The following CERT1 variants were observed in gnomAD, a reference collection of about 807,000 sequenced individuals.
CERT1 encodes the protein ceramide transfer protein.
A neutral mutation model predicts 87.9 loss-of-function variants in CERT1; 31 were observed. That is an observed-to-expected ratio of 0.35 (90% CI 0.27 to 0.48). CERT1 has a LOEUF of 0.48. CERT1 is among the 20% of genes least tolerant of loss of function. The probability of loss-of-function intolerance (pLI) is 0.99; values close to 1 mark genes in which losing one functional copy is unlikely to be tolerated. For missense variants in CERT1, 487 were observed against 758.0 expected, an observed-to-expected ratio of 0.64 and a Z score of 4.20; for synonymous variants, 289 against 250.9, an observed-to-expected ratio of 1.15 and a Z score of -1.44.
At chr5:75,422,991 T>C (rs1763451883) in intron 5 of CERT1, among the ~76,000 whole-genome samples, 1 of 152,222 alleles carries the variant, frequency 6.6e-6, no homozygotes, top group Admixed American at 6.5e-5. Flanking sequence ...AATACCTTTA[T>C]CTCAGAACTG....
In CERT1 at chr5:75,460,662, C is replaced by T. The variant is rs555418656; in HGVS notation, c.232-1481G>A. 6.9e-4 allele frequency among the ~76,000 whole-genome samples: 105 copies of T among 152,326 alleles called. 1 individual carries two copies. The highest frequency in any genetic ancestry group is 2.4e-3 in the African/African-American group (100 of 41,570). ...GGAAAAGAATCCGCTCTGGGCAACA[C>T]GACAGTGAACTTATTTGCTTAACAC... On this transcript the variant is annotated intron_variant, in intron 2 of 16. Coordinates refer to ENST00000643780, the MANE Select transcript of CERT1 (RefSeq NM_001379029.1).
intron 14 of CERT1, among the ~76,000 whole-genome samples, chr5:75,383,957 A>G (rs1185823590): frequency 6.6e-6 from 1 of 152,174 alleles, no homozygotes; most frequent in Non-Finnish European, 1.5e-5. Context: ...GGTGAAAGGG[A>G]GCTAACTTAA....
At chr5:75,432,529 A>G (rs1763914286) in intron 3 of CERT1, among the ~76,000 whole-genome samples, 1 of 152,168 alleles carries the variant, frequency 6.6e-6, no homozygotes, top group Non-Finnish European at 1.5e-5. Flanking sequence ...GTGTCTGTTC[A>G]TGTCCTTTGC....
At chr5:75,511,043 C>A (rs1767951361) in intron 1 of CERT1, 69 bp downstream of exon 1, 1 of 1,456,002 alleles carries the variant, frequency 6.9e-7, no homozygotes, top group Non-Finnish European at 9.0e-7. Context: ...CCCCACCCCA[C>A]CGCCTCAGCG....
At chr5:75,454,076 G>A (rs1764869255) in intron 3 of CERT1, among the ~76,000 whole-genome samples, 2 of 152,290 alleles carry the variant, frequency 1.3e-5, no homozygotes, top group South Asian at 4.1e-4. Flanking sequence ...TGAAGTAACT[G>A]TGAAATGAAC....
intron 2 of CERT1, among the ~76,000 whole-genome samples, chr5:75,472,723 T>G (rs919838088): frequency 6.6e-6 from 1 of 152,134 alleles, no homozygotes; most frequent in African/African-American, 2.4e-5. Context: ...AGATATTATC[T>G]CCTGTTGAAA....
chr5:75,432,056 C>G (rs530790719), intron 3 of CERT1, among the ~76,000 whole-genome samples: 12 of 150,726 alleles, frequency 8.0e-5, no homozygotes, highest in Middle Eastern at 3.4e-3. Context: ...ATTCCCCCCC[C>G]CTTTTTTTTT....
chr5:75,444,287 C>T (rs765384873), intron 3 of CERT1, among the ~76,000 whole-genome samples: 2 of 152,084 alleles, frequency 1.3e-5, no homozygotes, highest in Non-Finnish European at 2.9e-5. Context: ...AACTCCTGAC[C>T]TTGTGATCCA....
intron 2 of CERT1, among the ~76,000 whole-genome samples, chr5:75,464,908 C>T (rs1300863184): frequency 1.3e-5 from 2 of 152,242 alleles, no homozygotes; most frequent in African/African-American, 2.4e-5. Context: ...TTTAGGTTCT[C>T]TTTCTCTGGC....
chr5:75,432,058 T>C (rs73118902), intron 3 of CERT1, among the ~76,000 whole-genome samples: 8,690 of 134,280 alleles, frequency 0.065, 552 homozygotes, highest in African/African-American at 0.18. Flanking sequence ...TCCCCCCCCC[T>C]TTTTTTTTTT....
Position 75,379,247 on chromosome 5 carries a change from ATAG to A in CERT1, c.*96_*98del. 2 of 1,096,190 alleles carry A rather than the reference ATAG, an allele frequency of 1.8e-6. No individual in the cohort carries two copies. Among genetic ancestry groups the A allele is most frequent in the Non-Finnish European group, 2.7e-6 (2 of 751,516 alleles). 67.9% of individuals were successfully genotyped at this position (1,096,190 alleles called of 1,614,324 possible). A position where few individuals can be genotyped will look rare whatever the true frequency, so the allele number is the denominator to read the frequency against. On this transcript the variant is annotated 3_prime_UTR_variant, in exon 17 of 17. Transcript: ENST00000643780. ...ACTCTATAGGGGAACATCAAAAAAC[ATAG>A]TAAATACTTTCAACAACTAAATTTT...
rs192047593 is a variant in CERT1 at position 75,429,194 on chromosome 5, A to T, written c.349-2716T>A. 9.7e-4 allele frequency among the ~76,000 whole-genome samples: 142 copies of T among 146,952 alleles called. 1 individual carries two copies. The highest frequency in any genetic ancestry group is 2.3e-3 in the African/African-American group (92 of 40,282). ...GAAACTGAATAATAATAATAATAAT[A>T]ATAATTATTATTATTATTATTTTGA... On this transcript the variant is annotated intron_variant, in intron 3 of 16. Coordinates refer to ENST00000643780, the MANE Select transcript of CERT1 (RefSeq NM_001379029.1).
intron 3 of CERT1, among the ~76,000 whole-genome samples, chr5:75,444,603 G>C (rs1764463017): frequency 6.9e-6 from 1 of 144,708 alleles, no homozygotes; most frequent in Non-Finnish European, 1.5e-5. Context: ...GCTGAGTGCA[G>C]TGGTGCAATC....
intron 3 of CERT1, among the ~76,000 whole-genome samples, chr5:75,456,807 G>T (rs924401310): frequency 1.3e-4 from 19 of 151,678 alleles, no homozygotes; most frequent in Non-Finnish European, 1.5e-5. Context: ...GAGACCCAAA[G>T]ATTAAATCTA....
chr5:75,444,552 T>C (rs1356349507), intron 3 of CERT1, among the ~76,000 whole-genome samples: 1 of 147,616 alleles, frequency 6.8e-6, no homozygotes, highest in East Asian at 1.9e-4. Context: ...TCTTTTCTTT[T>C]TTTTTTTTTT....
intron 2 of CERT1, among the ~76,000 whole-genome samples, chr5:75,475,590 A>T (rs61001560): frequency 0.076 from 11,639 of 152,182 alleles, 545 homozygotes; most frequent in South Asian, 0.17. Flanking sequence ...CACGATTAAC[A>T]TATCCTTTGA....
In CERT1 at chr5:75,381,988, C is replaced by G. The variant is rs1336964408; in HGVS notation, c.1578G>C (p.Trp526Cys). Residue 526 changes from tryptophan to cysteine, a missense_variant, in exon 15 of 17, where the codon TGG becomes TGC. This residue lies in a region of CERT1 where 147 missense variants were observed against 200.8 expected (regional missense o/e 0.73). Coordinates refer to ENST00000643780, the MANE Select transcript of CERT1 (RefSeq NM_001379029.1). ...PALTENDPET[W>C]IVCNFSVDHD... ...GATCCACAGAAAAATTACAAACTAT[C>G]CAAGTTTCAGGGTCATTTTCAGTCA... 1.2e-6 allele frequency: 2 copies of G among 1,613,716 alleles called. No homozygotes were observed. Among genetic ancestry groups the G allele is most frequent in the African/African-American group, 2.7e-5 (2 of 74,902 alleles).
At chr5:75,399,528 T>C (rs1234080701) in intron 10 of CERT1, 141 bp from the exon 11 acceptor site, 1 of 662,694 alleles carries the variant, frequency 1.5e-6, no homozygotes, top group Non-Finnish European at 2.8e-6. Context: ...ACTGCTGACT[T>C]CATGCACCTA....
At chr5:75,467,163 T>C (rs1008759158) in intron 2 of CERT1, among the ~76,000 whole-genome samples, 4 of 152,236 alleles carry the variant, frequency 2.6e-5, no homozygotes, top group Admixed American at 1.3e-4. Flanking sequence ...TTCAGCAACT[T>C]AGTGGATTCT....
Sources: gnomAD v4.1 joint callset for allele counts (sites outside exome capture counted in the v4.1 genomes callset) on GRCh38, gnomAD v4.1.1 for gene constraint, gnomAD v4.1.1 regional missense constraint, MANE v1.5 for transcripts, NCBI Gene and HGNC (gene_info 2026-07-23, HGNC 2026-07-21) for gene names.